Variants in SORCS2 observed in about 807,000 individuals in gnomAD.
The protein encoded by SORCS2 is VPS10 domain-containing receptor SorCS2.
SORCS2 carries 100 observed loss-of-function variants against 141.6 expected under a neutral mutation model. The ratio of observed to expected loss-of-function variants is 0.71; its 90% CI spans 0.60 to 0.83. The LOEUF (loss-of-function observed/expected upper bound fraction) is 0.83. Ranked by LOEUF, SORCS2 falls within the 40% of genes least tolerant of loss-of-function variation. SORCS2 has a pLI of 0.00. For synonymous variants in SORCS2, 789 were observed against 676.9 expected (o/e 1.17, Z -2.57); for missense variants, 1,646 against 1,560.2 (o/e 1.05, Z -0.93).
intron 1 of SORCS2, among the ~76,000 whole-genome samples, chr4:7,339,980 C>T (rs1056959849): frequency 2.6e-5 from 4 of 152,248 alleles, no homozygotes; most frequent in South Asian, 4.1e-4. Context: ...GACCTTGAGG[C>T]GAGGAGAGGC....
At chr4:7,278,409 TG>T (rs1431582920) in intron 1 of SORCS2, among the ~76,000 whole-genome samples, 1 of 151,892 alleles carries the variant, frequency 6.6e-6, no homozygotes, top group African/African-American at 2.4e-5. Context: ...TGAGAGGGGG[TG>T]GGGGGCAGAC....
At chr4:7,601,877 C>T (rs899823136) in intron 3 of SORCS2, among the ~76,000 whole-genome samples, 1 of 152,108 alleles carries the variant, frequency 6.6e-6, no homozygotes, top group Non-Finnish European at 1.5e-5. Flanking sequence ...TGACTCTTAA[C>T]GAGCATGCTG....
chr4:7,639,841 G>T (rs796722677), intron 4 of SORCS2, among the ~76,000 whole-genome samples: 1 of 148,730 alleles, frequency 6.7e-6, no homozygotes, highest in African/African-American at 2.5e-5. Context: ...GTGTGTAAAT[G>T]TGTGGGTGTG....
At chr4:7,283,220 G>A (rs747514106) in intron 1 of SORCS2, among the ~76,000 whole-genome samples, 9 of 152,254 alleles carry the variant, frequency 5.9e-5, no homozygotes, top group Non-Finnish European at 1.3e-4. Context: ...TACTGAGCAT[G>A]CATGTGTGAT....
intron 3 of SORCS2, among the ~76,000 whole-genome samples, chr4:7,632,886 G>A (rs928657712): frequency 6.6e-6 from 1 of 151,988 alleles, no homozygotes; most frequent in African/African-American, 2.4e-5. Context: ...AGGAAGGAGT[G>A]GAATAACTCC....
At chr4:7,691,733 T>C (rs1403842292) in intron 11 of SORCS2, among the ~76,000 whole-genome samples, 1 of 151,936 alleles carries the variant, frequency 6.6e-6, no homozygotes, top group Non-Finnish European at 1.5e-5. Flanking sequence ...GTACACTTGG[T>C]TTCCCGGGCT....
chr4:7,662,295 G>A (rs1261025988), intron 6 of SORCS2, among the ~76,000 whole-genome samples: 1 of 138,248 alleles, frequency 7.2e-6, no homozygotes, highest in Non-Finnish European at 1.5e-5. Context: ...GTTCTGTGTT[G>A]ATAACCAGGG....
chr4:7,226,896 C>T (rs965859494), intron 1 of SORCS2, among the ~76,000 whole-genome samples: 9 of 152,226 alleles, frequency 5.9e-5, no homozygotes, highest in East Asian at 1.9e-4. Context: ...TGGGATCACA[C>T]GCACAAATTG....
intron 1 of SORCS2, among the ~76,000 whole-genome samples, chr4:7,255,186 G>A (rs1713771087): frequency 6.6e-6 from 1 of 151,928 alleles, no homozygotes; most frequent in African/African-American, 2.4e-5. Context: ...CTGCCCTAGC[G>A]GAGGTGACAG....
chr4:7,245,405 G>T (rs1303504086), intron 1 of SORCS2, among the ~76,000 whole-genome samples: 5 of 152,210 alleles, frequency 3.3e-5, no homozygotes, highest in African/African-American at 1.2e-4. Context: ...GGACTGATAT[G>T]GAATTTTTCT....
intron 1 of SORCS2, among the ~76,000 whole-genome samples, chr4:7,391,402 C>T (rs1723855710): frequency 1.3e-5 from 2 of 152,198 alleles, no homozygotes; most frequent in Admixed American, 6.5e-5. Flanking sequence ...AGCCCAGGCC[C>T]CTCATCTCCA....
intron 6 of SORCS2, 58 bp downstream of exon 6, chr4:7,661,622 G>A: frequency 1.4e-6 from 2 of 1,480,268 alleles, no homozygotes; most frequent in South Asian, 1.2e-5. Context: ...ACCCGACACA[G>A]CTCGGCTGCA....
At chr4:7,615,701 C>G (rs140727334) in intron 3 of SORCS2, among the ~76,000 whole-genome samples, 12 of 152,302 alleles carry the variant, frequency 7.9e-5, no homozygotes, top group African/African-American at 2.6e-4. Context: ...AACTACAGAT[C>G]CCTGGGGACT....
chr4:7,638,796 C>G (rs143517144), intron 4 of SORCS2, among the ~76,000 whole-genome samples: 1 of 152,362 alleles, frequency 6.6e-6, no homozygotes, highest in African/African-American at 2.4e-5. Flanking sequence ...TCATGCCACT[C>G]GCCATCCCTT....
At chr4:7,361,412 T>C (rs1326810436) in intron 1 of SORCS2, among the ~76,000 whole-genome samples, 2 of 152,186 alleles carry the variant, frequency 1.3e-5, no homozygotes, top group African/African-American at 4.8e-5. Flanking sequence ...CGCCTACAGC[T>C]GTTGCCCAAA....
chr4:7,318,613 A>C (rs1183582396), intron 1 of SORCS2, among the ~76,000 whole-genome samples: 1 of 152,178 alleles, frequency 6.6e-6, no homozygotes, highest in Non-Finnish European at 1.5e-5. Flanking sequence ...TAAACGAGCT[A>C]AGCCATTAGT....
At chr4:7,344,191 C>T (rs1720524528) in intron 1 of SORCS2, among the ~76,000 whole-genome samples, 1 of 152,190 alleles carries the variant, frequency 6.6e-6, no homozygotes, top group Non-Finnish European at 1.5e-5. Flanking sequence ...GTGCCATTTG[C>T]CCCCGCCATG....
rs189239181 is a variant in SORCS2, at chr4:7,544,205, G to A, written c.648+12576G>A. On this transcript the variant is annotated intron_variant, in intron 3 of 26. Coordinates refer to ENST00000507866, the MANE Select transcript of SORCS2 (RefSeq NM_020777.3). ...CCTCCATCCCTTCATCCATCCACTC[G>A]TGCATTCATCATGCATCAACTTATT... Among the ~76,000 whole-genome samples the A allele has an allele frequency of 4.3e-4, 66 of 152,122 alleles. 1 individual carries two copies. In the East Asian group the frequency reaches 9.1e-3, roughly 21 times the overall value.
chr4:7,268,047 G>A (rs920255557), intron 1 of SORCS2, among the ~76,000 whole-genome samples: 4 of 152,190 alleles, frequency 2.6e-5, no homozygotes, highest in African/African-American at 9.7e-5. Flanking sequence ...TTTGTGGGTG[G>A]GGTTCTGGTT....
Sources: allele counts gnomAD v4.1 joint callset (sites outside exome capture counted in the v4.1 genomes callset), GRCh38; gene constraint gnomAD v4.1.1; transcripts MANE v1.5; gene names NCBI Gene and HGNC (gene_info 2026-07-23, HGNC 2026-07-21).